The following LRRC37B variants were observed in gnomAD, a reference collection of about 807,000 sequenced individuals.
LRRC37B encodes the protein leucine rich repeat containing 37B.
Under a neutral mutation model 98.3 loss-of-function variants are expected in LRRC37B, and 28 were observed. The observed-to-expected ratio is 0.28, with a 90% CI of 0.21 to 0.39. The LOEUF (loss-of-function observed/expected upper bound fraction) is 0.39. Among genes scored for constraint, LRRC37B ranks in the 10% least tolerant of loss-of-function variants. The probability of loss-of-function intolerance (pLI) is 1.00; values close to 1 mark genes in which losing one functional copy is unlikely to be tolerated. For synonymous variants in LRRC37B, 364 were observed against 442.7 expected, an observed-to-expected ratio of 0.82 and a Z score of 2.23; for missense variants, 938 against 1,182.7, an observed-to-expected ratio of 0.79 and a Z score of 3.03.
At chr17:32,035,840 GAAAGGCCCCTC>G in intron 7 of LRRC37B, 1 of 504,314 alleles carries the variant, frequency 2.0e-6, no homozygotes, top group Non-Finnish European at 3.3e-6. Context: ...TGTCACCTCA[GAAAGGCCCCTC>G]ATTTCCCTTT....
intron 2 of LRRC37B, among the ~76,000 whole-genome samples, chr17:32,025,598 T>G (rs1411453543): frequency 6.6e-6 from 1 of 152,208 alleles, no homozygotes; most frequent in Non-Finnish European, 1.5e-5. Context: ...ATGATATTCT[T>G]TCACTTCATA....
rs35666919 is a variant in LRRC37B, at chr17:32,029,755, A to C, written c.1905-901A>C. Among the ~76,000 whole-genome samples, 598 of 152,276 alleles carry C rather than the reference A, an allele frequency of 3.9e-3. 6 individuals are homozygous for C. Among genetic ancestry groups the C allele is most frequent in the African/African-American group, 0.013 (551 of 41,534 alleles). On this transcript the variant is annotated intron_variant, in intron 3 of 11. Transcript: ENST00000327564. ...TTCCAGGGCTTTGAATGCCAAGCTG[A>C]GGAGCCATCATGGGGAACCATGTTA...
Position 32,021,381 on chromosome 17 carries a change from G to C in LRRC37B, c.316G>C (p.Ala106Pro). The C allele has an allele frequency of 6.2e-7, 1 of 1,613,932 alleles. No homozygotes were observed. Among genetic ancestry groups the C allele is most frequent in the African/African-American group, 1.3e-5 (1 of 75,034 alleles). Reference sequence around the variant, plus strand: ...GGACTTTGATTACCTGGGGCCCTCTGCTTCTTCGCAGATGTCAGCCCTGCC... The same window carrying C: ...GGACTTTGATTACCTGGGGCCCTCTCCTTCTTCGCAGATGTCAGCCCTGCC... The change falls in exon 1 of 12, where the codon GCT becomes CCT. Residue 106 changes from alanine (A) to proline (P), a missense_variant. Around this residue, in one of 2 missense-constraint regions of LRRC37B, gnomAD observed 610 missense variants for 625.6 expected, o/e 0.98. Coordinates refer to ENST00000327564, the Ensembl canonical transcript of LRRC37B.
chr17:32,021,105 G>T, exon 1 of LRRC37B: 7 of 1,614,074 alleles, frequency 4.3e-6, no homozygotes, highest in Non-Finnish European at 5.9e-6. Context: ...TCTCAGGGCT[G>T]CCAGAATGGC....
At position 32,029,840 on chromosome 17, in the gene LRRC37B, C is replaced by T. The variant is rs1306337341; in HGVS notation, c.1905-816C>T. ...GTCATTGAGAGGGCACGTTAGAACT[C>T]AGTTCTGGACTCCGCCCTCATAGTT... is the stretch of plus-strand genomic sequence containing the variant. On this transcript the variant is annotated intron_variant, in intron 3 of 11. Coordinates refer to ENST00000327564, the Ensembl canonical transcript of LRRC37B. 3.3e-5 allele frequency among the ~76,000 whole-genome samples: 5 copies of T among 152,306 alleles called. No homozygotes were observed. The East Asian group carries it at 9.6e-4, about 29-fold the overall frequency.
chr17:32,013,614 C>T (rs1028147956), intron 1 of LRRC37B, among the ~76,000 whole-genome samples: 4 of 152,084 alleles, frequency 2.6e-5, no homozygotes, highest in African/African-American at 9.7e-5. Flanking sequence ...ACCTAACCTA[C>T]CTACTTAGAG....
chr17:32,027,965 A>G, intron 3 of LRRC37B, 125 bp downstream of exon 6: 5 of 701,366 alleles, frequency 7.1e-6, no homozygotes, highest in East Asian at 6.4e-5. Flanking sequence ...GTAAGTTTGT[A>G]TAGGGTCTCA....
intron 7 of LRRC37B, chr17:32,041,636 C>T (rs569592430): frequency 2.6e-5 from 12 of 462,824 alleles, no homozygotes; most frequent in African/African-American, 1.6e-4. Flanking sequence ...AGCCTGCCGG[C>T]GCCACCCAGG....
intron 7 of LRRC37B, among the ~76,000 whole-genome samples, chr17:32,039,796 T>C (rs1198888607): frequency 6.6e-6 from 1 of 151,334 alleles, no homozygotes; most frequent in Non-Finnish European, 1.5e-5. Flanking sequence ...CTCCGTTCAT[T>C]TTTGTCAGGT....
At position 32,026,073 on chromosome 17, in the gene LRRC37B, T is replaced by C. The variant is rs545624947; in HGVS notation, c.1832+1291T>C. Among the ~76,000 whole-genome samples, 644 of 152,370 alleles carry C rather than the reference T, an allele frequency of 4.2e-3. 6 individuals are homozygous for C. Among genetic ancestry groups the C allele is most frequent in the African/African-American group, 0.015 (623 of 41,588 alleles). ...TTTCCTGTTGAATTGTTTTATCGTT[T>C]TCTTCCTGATTTATAGAAGGAATTA... On this transcript the variant is annotated intron_variant, in intron 2 of 11. Coordinates refer to ENST00000327564, the Ensembl canonical transcript of LRRC37B.
chr17:32,040,484 T>G, intron 7 of LRRC37B: 1 of 651,880 alleles, frequency 1.5e-6, no homozygotes, highest in South Asian at 1.5e-5. Context: ...AGCCAGCTGG[T>G]CAGTGAGAAG....
In LRRC37B at chr17:32,022,281, C is replaced by G; in HGVS notation, c.1216C>G (p.Pro406Ala). The G allele has an allele frequency of 6.2e-7, 1 of 1,613,978 alleles. No homozygotes were observed. The highest frequency in any genetic ancestry group is 8.5e-7 in the Non-Finnish European group (1 of 1,179,874). Reference sequence around the variant, plus strand: ...AATTCAGCCTCCCGAGGAGGCGGAACCTTCTTCTACAGCCCTGAGGACTAC... The same window carrying G: ...AATTCAGCCTCCCGAGGAGGCGGAAGCTTCTTCTACAGCCCTGAGGACTAC... Residue 406 changes from proline (P) to alanine (A), a missense_variant, in exon 1 of 12, where the codon CCT becomes GCT. This residue lies in a region of LRRC37B where 610 missense variants were observed against 625.6 expected (regional missense o/e 0.98). Coordinates refer to ENST00000327564, the Ensembl canonical transcript of LRRC37B.
Position 32,040,286 on chromosome 17 carries a change from A to G in LRRC37B, c.2204+4647A>G, listed in dbSNP as rs540424018. ...CCTGCGAACAGATCTAGATTGAAGG[A>G]GACTAAAGAATCATGAACTCGAGGT... is the stretch of plus-strand genomic sequence containing the variant. On this transcript the variant is annotated intron_variant, in intron 7 of 11. Coordinates refer to ENST00000327564, the Ensembl canonical transcript of LRRC37B. 5 of 318,202 alleles carry G rather than the reference A, an allele frequency of 1.6e-5. No individual in the cohort carries two copies. In the South Asian group the frequency reaches 1.6e-4, roughly 10 times the overall value. 19.7% of individuals were successfully genotyped at this position (318,202 alleles called of 1,614,324 possible).
At chr17:32,007,723 C>A, upstream of LRRC37B, 2 of 1,192,338 alleles carry the variant, frequency 1.7e-6, no homozygotes, top group Non-Finnish European at 2.1e-6. The surrounding 1 kb of genome is among the most constrained non-coding windows in gnomAD (Gnocchi z 4.1). Context: ...GCTCCCCTCG[C>A]CGATACGCGG....
At chr17:32,045,327 G>GA (rs1007983714) in intron 7 of LRRC37B, among the ~76,000 whole-genome samples, 1 of 152,062 alleles carries the variant, frequency 6.6e-6, no homozygotes, top group Non-Finnish European at 1.5e-5. Flanking sequence ...CAGAAATTGA[G>GA]AAAGGGCCTT....
intron 8 of LRRC37B, 140 bp from the exon 12 acceptor site, chr17:32,047,621 G>T (rs1224718410): frequency 1.5e-5 from 18 of 1,233,584 alleles, no homozygotes; most frequent in South Asian, 7.8e-5. Flanking sequence ...TTAGGTTTGG[G>T]TGTATGTTTC....
rs471887 is a variant in LRRC37B, at chr17:32,030,695, A to T, written c.1944A>T (p.Gln648His). The T allele has an allele frequency of 5.1e-3, 7,189 of 1,405,176 alleles. 315 individuals are homozygous for T. Among genetic ancestry groups the T allele is most frequent in the South Asian group, 0.014 (985 of 71,712 alleles). The allele number at this position is 1,405,176 out of a possible 1,614,324, so 87.0% of individuals were successfully genotyped here. Residue 648 changes from glutamine to histidine, a missense_variant, in exon 4 of 12, where the codon CAA becomes CAT. By Grantham distance (24) the Gln-to-His change is conservative (BLOSUM62 0). Around this residue, in one of 2 missense-constraint regions of LRRC37B, gnomAD observed 328 missense variants for 557.0 expected, o/e 0.59. Transcript: ENST00000327564. ...ATAAAATACGATATATTGAAAGACA[A>T]ACATTTGAATCACTACCATTTTTGC...
At chr17:32,049,650 T>C (rs1911690789) in intron 10 of LRRC37B, among the ~76,000 whole-genome samples, 1 of 152,114 alleles carries the variant, frequency 6.6e-6, no homozygotes, top group South Asian at 2.1e-4. Flanking sequence ...GTGGATCACT[T>C]GAGGTCAGGA....
intron 1 of LRRC37B, among the ~76,000 whole-genome samples, chr17:32,008,878 T>G (rs1276414782): frequency 6.6e-6 from 1 of 152,258 alleles, no homozygotes; most frequent in Non-Finnish European, 1.5e-5. Flanking sequence ...TTCTAGTTTT[T>G]GGCAGCTATG....
Sources: allele counts gnomAD v4.1 joint callset (sites outside exome capture counted in the v4.1 genomes callset), GRCh38; gene constraint gnomAD v4.1.1; regional missense constraint gnomAD v4.1.1; non-coding constraint Gnocchi (gnomAD v3.1); transcripts MANE v1.5; gene names NCBI Gene and HGNC (gene_info 2026-07-23, HGNC 2026-07-21).